PREX2: variants seen among roughly 807,000 people sequenced by gnomAD.
PREX2 encodes phosphatidylinositol-3,4,5-trisphosphate dependent Rac exchange factor 2, also known as phosphatidylinositol 3,4,5-trisphosphate-dependent Rac exchanger 2 protein.
In PREX2, 107 loss-of-function variants were observed where a neutral mutation model predicts 203.2. The ratio of observed to expected loss-of-function variants is 0.53; its 90% CI spans 0.45 to 0.62. PREX2 has a LOEUF of 0.62. Ranked by LOEUF, PREX2 falls within the 20% of genes least tolerant of loss-of-function variation. PREX2 has a pLI of 0.00. For missense variants in PREX2, 1,777 were observed against 1,955.9 expected (o/e 0.91, Z 1.72); for synonymous variants, 672 against 663.6 (o/e 1.01, Z -0.19).
chr8:67,966,436 T>TG, intron 1 of PREX2, among the ~76,000 whole-genome samples: 1 of 151,698 alleles, frequency 6.6e-6, no homozygotes, highest in East Asian at 1.9e-4. Context: ...ACAGGTTTTT[T>TG]TTTTTCCAAA....
At chr8:68,127,507 C>A in intron 31 of PREX2, 88 bp downstream of exon 31, 1 of 820,764 alleles carries the variant, frequency 1.2e-6, no homozygotes, top group South Asian at 1.5e-5. Flanking sequence ...ACAACGCCTT[C>A]AACCATTTAC....
chr8:67,963,401 T>C (rs774188151), intron 1 of PREX2, among the ~76,000 whole-genome samples: 1 of 152,290 alleles, frequency 6.6e-6, no homozygotes, highest in East Asian at 1.9e-4. Context: ...CTGTCAAAAA[T>C]GGGCCTATAA....
intron 10 of PREX2, among the ~76,000 whole-genome samples, chr8:68,059,319 G>A (rs1010180627): frequency 6.6e-6 from 1 of 151,240 alleles, no homozygotes; most frequent in African/African-American, 2.4e-5. Context: ...CTACATAGCT[G>A]AGGCTCTCCT....
chr8:68,000,642 G>A (rs1806911552), intron 1 of PREX2, among the ~76,000 whole-genome samples: 1 of 152,062 alleles, frequency 6.6e-6, no homozygotes, highest in African/African-American at 2.4e-5. Flanking sequence ...AATAGCCAAG[G>A]CAATACTAAG....
intron 1 of PREX2, among the ~76,000 whole-genome samples, chr8:67,997,354 CT>C (rs1806795015): frequency 6.6e-6 from 1 of 152,124 alleles, no homozygotes; most frequent in Non-Finnish European, 1.5e-5. Flanking sequence ...CTGTTTCCCC[CT>C]GTCCCTGTGC....
At chr8:68,226,535 T>C (rs929209266) in intron 39 of PREX2, among the ~76,000 whole-genome samples, 46 of 152,214 alleles carry the variant, frequency 3.0e-4, no homozygotes, top group Non-Finnish European at 2.4e-4. Flanking sequence ...AGCTGAAGTT[T>C]GCTATCTCTG....
At chr8:67,989,382 T>C (rs891385391) in intron 1 of PREX2, among the ~76,000 whole-genome samples, 5 of 152,158 alleles carry the variant, frequency 3.3e-5, no homozygotes, top group African/African-American at 1.2e-4. Flanking sequence ...ATTCTAAGAA[T>C]TTAAAATTTT....
intron 31 of PREX2, among the ~76,000 whole-genome samples, chr8:68,130,123 A>AAAAG: frequency 6.6e-6 from 1 of 151,086 alleles, no homozygotes. Flanking sequence ...GCAAAAAAAA[A>AAAAG]AAAAAAAAAA....
At chr8:68,163,178 T>G (rs1376064641) in intron 35 of PREX2, among the ~76,000 whole-genome samples, 1 of 152,192 alleles carries the variant, frequency 6.6e-6, no homozygotes, top group Non-Finnish European at 1.5e-5. Flanking sequence ...TACACAAAAA[T>G]ACAGGCAGTC....
At chr8:68,100,129 G>A (rs1529819) in intron 23 of PREX2, 241,337 of 551,710 alleles carry the variant, frequency 0.44, 54,085 homozygotes, top group African/African-American at 0.57. Context: ...TGGGCATTGA[G>A]TGCAGACCAC....
intron 35 of PREX2, among the ~76,000 whole-genome samples, chr8:68,165,575 G>A (rs558171964): frequency 6.6e-6 from 1 of 152,192 alleles, no homozygotes; most frequent in Non-Finnish European, 1.5e-5. Flanking sequence ...AGGAGTTTCA[G>A]GGAGGGAGTC....
intron 6 of PREX2, 76 bp from the exon 7 acceptor site, chr8:68,038,083 T>C (rs886936478): frequency 1.4e-6 from 2 of 1,460,454 alleles, no homozygotes; most frequent in South Asian, 1.2e-5. Flanking sequence ...ACAACCATAA[T>C]TGTAAGTCGA....
chr8:68,151,469 G>A (rs1811432732), intron 34 of PREX2, among the ~76,000 whole-genome samples: 1 of 152,074 alleles, frequency 6.6e-6, no homozygotes, highest in Admixed American at 6.6e-5. Flanking sequence ...AAGGGGTTAG[G>A]ACTTTGTCAT....
chr8:68,023,807 C>T (rs1807636850), intron 4 of PREX2, among the ~76,000 whole-genome samples: 1 of 151,858 alleles, frequency 6.6e-6, no homozygotes. Context: ...ATTTAACTGG[C>T]TTTTGTTTAT....
chr8:67,963,633 A>C (rs7835569), intron 1 of PREX2, among the ~76,000 whole-genome samples: 1 of 152,128 alleles, frequency 6.6e-6, no homozygotes, highest in Non-Finnish European at 1.5e-5. Flanking sequence ...GTTTTCAATA[A>C]TTATACTTTA....
intron 1 of PREX2, among the ~76,000 whole-genome samples, chr8:67,994,929 T>A (rs991917868): frequency 1.3e-5 from 2 of 152,228 alleles, no homozygotes. Context: ...GAGTTCTACA[T>A]GGTTTTAGTA....
intron 35 of PREX2, among the ~76,000 whole-genome samples, chr8:68,158,489 A>AAATG (rs1811591115): frequency 6.6e-6 from 1 of 152,116 alleles, no homozygotes; most frequent in Non-Finnish European, 1.5e-5. Flanking sequence ...TTAAAGGAAA[A>AAATG]AATGGGAGAC....
At chr8:68,111,618 A>G (rs1308573038) in intron 25 of PREX2, among the ~76,000 whole-genome samples, 2 of 152,170 alleles carry the variant, frequency 1.3e-5, no homozygotes, top group East Asian at 1.9e-4. Flanking sequence ...TTTATTAGAA[A>G]AGTGGCACAC....
intron 5 of PREX2, 85 bp from the exon 6 acceptor site, chr8:68,030,412 C>A: frequency 3.1e-6 from 4 of 1,284,822 alleles, no homozygotes; most frequent in South Asian, 3.2e-5. Context: ...ATGATCTTTG[C>A]AGTTTTCATT....
Sources: gnomAD v4.1 joint callset for allele counts (sites outside exome capture counted in the v4.1 genomes callset) on GRCh38, gnomAD v4.1.1 for gene constraint, MANE v1.5 for transcripts, NCBI Gene and HGNC (gene_info 2026-07-23, HGNC 2026-07-21) for gene names.